Variants in COL14A1 observed in about 807,000 individuals in gnomAD.
COL14A1 encodes collagen type XIV alpha 1 chain.
In COL14A1, 136 loss-of-function variants were observed where a neutral mutation model predicts 230.3. The observed-to-expected ratio is 0.59, with a 90% CI of 0.51 to 0.68. The LOEUF is 0.68. COL14A1 is among the 30% of genes least tolerant of loss of function. COL14A1 has a pLI of 0.00. For synonymous variants in COL14A1, 792 were observed against 784.1 expected (o/e 1.01, Z -0.17); for missense variants, 1,976 against 2,215.8 (o/e 0.89, Z 2.17).
At chr8:120,269,145 T>C (rs1247086654) in intron 25 of COL14A1, among the ~76,000 whole-genome samples, 1 of 151,744 alleles carries the variant, frequency 6.6e-6, no homozygotes, top group African/African-American at 2.4e-5. Context: ...CATAGAATAT[T>C]TATGTGCAAT....
At position 120,360,774 on chromosome 8, in the gene COL14A1, G is replaced by A. The variant is rs141432440; in HGVS notation, c.5078-6397G>A. On this transcript the variant is annotated intron_variant, in intron 45 of 47. Transcript: ENST00000297848. ...GTGCTTTTGACTCCGGATTCCCAGT[G>A]GCTGATGTTGGGACTGGGCTAGGCA... 1.5e-3 allele frequency among the ~76,000 whole-genome samples: 234 copies of A among 152,302 alleles called. 1 individual carries two copies. The highest frequency in any genetic ancestry group is 5.3e-3 in the African/African-American group (219 of 41,570).
At chr8:120,203,585 C>T in intron 8 of COL14A1, 124 bp from the exon 9 acceptor site, 2 of 629,644 alleles carry the variant, frequency 3.2e-6, no homozygotes, top group Non-Finnish European at 5.1e-6. Context: ...TATATATATA[C>T]AAGTAGCAGA....
chr8:120,348,570 T>C (rs1822621527), intron 45 of COL14A1, among the ~76,000 whole-genome samples: 1 of 152,074 alleles, frequency 6.6e-6, no homozygotes, highest in Non-Finnish European at 1.5e-5. Flanking sequence ...AGTCTACAAA[T>C]AGGGTATAGT....
At chr8:120,346,155 T>C (rs1822501772) in intron 45 of COL14A1, among the ~76,000 whole-genome samples, 1 of 152,244 alleles carries the variant, frequency 6.6e-6, no homozygotes. Context: ...TTTTATTTAA[T>C]AGTTTCATGG....
chr8:120,163,277 C>T (rs530963225), intron 4 of COL14A1, among the ~76,000 whole-genome samples: 4 of 152,190 alleles, frequency 2.6e-5, no homozygotes, highest in East Asian at 1.9e-4. Flanking sequence ...TCTCTCTGCC[C>T]GAGTAATGGG....
At chr8:120,253,065 C>T (rs1215968778) in intron 22 of COL14A1, among the ~76,000 whole-genome samples, 1 of 152,190 alleles carries the variant, frequency 6.6e-6, no homozygotes, top group African/African-American at 2.4e-5. Flanking sequence ...CTAATGAAAC[C>T]TCCAAGTATT....
intron 22 of COL14A1, among the ~76,000 whole-genome samples, chr8:120,252,250 TCTCTAG>T (rs1563697540): frequency 3.7e-4 from 57 of 152,278 alleles, no homozygotes; most frequent in African/African-American, 1.3e-3. Flanking sequence ...ACGGATAAAT[TCTCTAG>T]TGGTGAATTC....
intron 40 of COL14A1, among the ~76,000 whole-genome samples, chr8:120,316,734 A>G (rs991148923): frequency 2.0e-5 from 3 of 152,092 alleles, no homozygotes; most frequent in African/African-American, 7.2e-5. Flanking sequence ...ACTGAAAGAT[A>G]GAAGTCAGCC....
At chr8:120,318,796 G>A (rs1445254246) in intron 40 of COL14A1, among the ~76,000 whole-genome samples, 2 of 152,150 alleles carry the variant, frequency 1.3e-5, no homozygotes, top group Non-Finnish European at 2.9e-5. Context: ...GAGAGCAAAC[G>A]CAGGATGATG....
chr8:120,359,959 C>A (rs1823132437), intron 45 of COL14A1, among the ~76,000 whole-genome samples: 1 of 152,114 alleles, frequency 6.6e-6, no homozygotes, highest in Non-Finnish European at 1.5e-5. Context: ...CCTCTCGCTG[C>A]CCAAATTTAG....
At chr8:120,197,020 A>G in intron 6 of COL14A1, 74 bp downstream of exon 6, 1 of 1,449,348 alleles carries the variant, frequency 6.9e-7, no homozygotes, top group Non-Finnish European at 9.5e-7. Flanking sequence ...AAGAAATTTC[A>G]AAAATTCCTT....
chr8:120,326,449 C>T (rs1438129210), intron 40 of COL14A1, among the ~76,000 whole-genome samples: 2 of 152,124 alleles, frequency 1.3e-5, no homozygotes, highest in African/African-American at 2.4e-5. Context: ...AGTACCTGTA[C>T]AGGTATTTCT....
intron 19 of COL14A1, among the ~76,000 whole-genome samples, chr8:120,237,013 G>T (rs1245728632): frequency 6.6e-6 from 1 of 152,204 alleles, no homozygotes; most frequent in Non-Finnish European, 1.5e-5. Flanking sequence ...GCTTCCCTTT[G>T]TGGGTAGCCC....
At chr8:120,306,846 A>G (rs950869353) in intron 36 of COL14A1, among the ~76,000 whole-genome samples, 2 of 152,198 alleles carry the variant, frequency 1.3e-5, no homozygotes, top group Non-Finnish European at 2.9e-5. Context: ...GATATATTTG[A>G]ATATATATTT....
intron 6 of COL14A1, 93 bp from the exon 7 acceptor site, chr8:120,197,718 A>G: frequency 5.7e-6 from 8 of 1,404,518 alleles, no homozygotes; most frequent in Non-Finnish European, 7.7e-6. Flanking sequence ...TTTTGCAAAG[A>G]TGAGGCCTTT....
intron 23 of COL14A1, among the ~76,000 whole-genome samples, chr8:120,260,155 C>T (rs577560897): frequency 6.6e-6 from 1 of 151,990 alleles, no homozygotes; most frequent in Non-Finnish European, 1.5e-5. Context: ...CTAATATTCA[C>T]AATATATAAA....
chr8:120,244,007 C>T lies in COL14A1; in HGVS notation c.2478C>T (p.Thr826=). 2 of 1,610,688 alleles carry T rather than the reference C, an allele frequency of 1.2e-6. No homozygotes were observed. Among genetic ancestry groups the T allele is most frequent in the Non-Finnish European group, 1.7e-6 (2 of 1,178,500 alleles). ...EGVSVSAPGK[T]LPSSGPQNLR... ...TCAGCGTCTCCGCTCCTGGAAAAAC[C>T]TGTAAGTGAAGCTTTCTCCCTTTGA... The change falls in exon 20 of 48, where the codon ACC becomes ACT. Residue 826 remains threonine (T), a splice_region_variant and synonymous_variant. Transcript: ENST00000297848.
intron 5 of COL14A1, among the ~76,000 whole-genome samples, chr8:120,171,417 A>G (rs1389960110): frequency 6.6e-6 from 1 of 152,108 alleles, no homozygotes; most frequent in African/African-American, 2.4e-5. Context: ...ACTTCCCTTC[A>G]CAGAAGATCT....
chr8:120,225,184 T>TCAGAGCATCTGA lies in COL14A1; in HGVS notation c.1840_1841insATCTGACAGAGC (p.Glu613_Pro614insHisLeuThrGlu). 1 of 1,612,996 alleles carries TCAGAGCATCTGA rather than the reference T, an allele frequency of 6.2e-7. No individual in the cohort carries two copies. The highest frequency in any genetic ancestry group is 8.5e-7 in the Non-Finnish European group (1 of 1,179,730). On this transcript the variant is annotated inframe_insertion, in exon 15 of 48. Transcript: ENST00000297848. ...TTTCTCCATCTATGATGAAGGACAG[T>TCAGAGCATCTGA]CAGAGCCTCTGACTGGAGTTTTTAC... is the stretch of plus-strand genomic sequence containing the variant.
Sources: gnomAD v4.1 joint callset for allele counts (sites outside exome capture counted in the v4.1 genomes callset) on GRCh38, gnomAD v4.1.1 for gene constraint, MANE v1.5 for transcripts, NCBI Gene and HGNC (gene_info 2026-07-23, HGNC 2026-07-21) for gene names.